RANBP3: variants seen among roughly 807,000 people sequenced by gnomAD.
RANBP3 encodes the protein RAN binding protein 3.
Under a neutral mutation model 77.3 loss-of-function variants are expected in RANBP3, and 14 were observed. The ratio of observed to expected loss-of-function variants is 0.18; its 90% confidence interval spans 0.12 to 0.28. The LOEUF is 0.28. Among genes scored for constraint, RANBP3 ranks in the 10% least tolerant of loss-of-function variants. The pLI, the probability that RANBP3 is intolerant of heterozygous loss-of-function variation, is 1.00. For synonymous variants in RANBP3, 315 were observed against 312.4 expected (o/e 1.01, Z -0.09); for missense variants, 586 against 752.3 (o/e 0.78, Z 2.59).
At position 5,958,386 on chromosome 19, in the gene RANBP3, CA is replaced by C. The variant is rs1265815083; in HGVS notation, c.23-414del. Among the ~76,000 whole-genome samples the C allele has an allele frequency of 6.6e-6, 1 of 151,294 alleles. No individual in the cohort carries two copies. The highest frequency in any genetic ancestry group is 6.6e-5 in the Admixed American group (1 of 15,214). ...TTTTTAAAGTTTACAGGCCAGAGGG[CA>C]AAAAAAAGGGCCACCGCTCGCGCTG... On this transcript the variant is annotated intron_variant, in intron 1 of 16. Transcript: ENST00000340578. This position sits in a 1 kb window ranked among gnomAD's most constrained non-coding sequence, Gnocchi z 4.4.
intron 2 of RANBP3, among the ~76,000 whole-genome samples, chr19:5,957,540 C>G (rs137906324): frequency 6.6e-6 from 1 of 150,410 alleles, no homozygotes; most frequent in Non-Finnish European, 1.5e-5. Context: ...CCCTCCCTCC[C>G]TCCCTCCCTG....
chr19:5,942,440 T>C (rs16993278), intron 3 of RANBP3, among the ~76,000 whole-genome samples: 2,470 of 152,266 alleles, frequency 0.016, 47 homozygotes, highest in African/African-American at 0.055. Context: ...AAGAATTCCC[T>C]ATTCCACAAA....
chr19:5,958,891 C>A lies in RANBP3; in HGVS notation c.23-918G>T, dbSNP rs2058367000. ...CAGCTGTGACTCTGGTGAATGCCTG[C>A]TGTGGGCTGCGGGCTGCGCACTGGT... On this transcript the variant is annotated intron_variant, in intron 1 of 16. Coordinates refer to ENST00000340578, the MANE Select transcript of RANBP3 (RefSeq NM_007322.3). The surrounding 1 kb of genome is among the most constrained non-coding windows in gnomAD (Gnocchi z 4.4). 6.6e-6 allele frequency among the ~76,000 whole-genome samples: 1 copy of A among 152,276 alleles called. No homozygotes were observed. The highest frequency in any genetic ancestry group is 1.5e-5 in the Non-Finnish European group (1 of 68,044).
Position 5,937,056 on chromosome 19 carries a change from C to CAAAAAAAAAAAAAAAA in RANBP3, c.407-3593_407-3578dup, listed in dbSNP as rs71172783. Among the ~76,000 whole-genome samples the CAAAAAAAAAAAAAAAA allele has an allele frequency of 6.6e-3, 246 of 37,178 alleles. 16 individuals carry two copies. Among genetic ancestry groups the CAAAAAAAAAAAAAAAA allele is most frequent in the Non-Finnish European group, 8.0e-3 (164 of 20,544 alleles). The allele number at this position is 37,178 out of a possible 152,430, so 24.4% of individuals were successfully genotyped here. ...GGGCAACAGAGCAAGACTCTGTCTC[C>CAAAAAAAAAAAAAAAA]AAAAAAAAAAAAAAAAAAAAAAAAA... On this transcript the variant is annotated intron_variant, in intron 5 of 16. Coordinates refer to ENST00000340578, the MANE Select transcript of RANBP3 (RefSeq NM_007322.3).
chr19:5,925,494 G>A (rs538089126), intron 10 of RANBP3, 140 bp downstream of exon 10: 1 of 707,728 alleles, frequency 1.4e-6, no homozygotes, highest in East Asian at 2.7e-5. Flanking sequence ...CCAGAGTGGG[G>A]AATGAGAGAG....
At chr19:5,933,058 C>T (rs750765957) in intron 6 of RANBP3, 5 of 289,132 alleles carry the variant, frequency 1.7e-5, no homozygotes, top group East Asian at 7.6e-5. Flanking sequence ...CGCTGGAATG[C>T]AGCCACCCTG....
chr19:5,941,158 G>A (rs558357589), intron 5 of RANBP3, among the ~76,000 whole-genome samples: 11 of 152,284 alleles, frequency 7.2e-5, no homozygotes, highest in East Asian at 3.9e-4. Flanking sequence ...GCTGGTTACC[G>A]TGTGTGTGTG....
intron 3 of RANBP3, among the ~76,000 whole-genome samples, chr19:5,944,724 C>T (rs570016774): frequency 1.3e-5 from 2 of 152,244 alleles, no homozygotes; most frequent in Admixed American, 6.5e-5. Context: ...CCTCGGACAC[C>T]GCACTGCTCG....
At chr19:5,947,116 C>T (rs1033966626) in intron 3 of RANBP3, among the ~76,000 whole-genome samples, 3 of 152,048 alleles carry the variant, frequency 2.0e-5, no homozygotes, top group Non-Finnish European at 4.4e-5. Flanking sequence ...GGGTTCGAGA[C>T]CAGCCTGGCC....
chr19:5,934,156 AGCCTC>A (rs2058034304), intron 5 of RANBP3: 1 of 152,302 alleles, frequency 6.6e-6, no homozygotes, highest in South Asian at 2.1e-4. Context: ...TCGAGAGCCC[AGCCTC>A]GCCCAGCCAC....
chr19:5,966,623 C>T (rs188465705), intron 1 of RANBP3, among the ~76,000 whole-genome samples: 148 of 152,370 alleles, frequency 9.7e-4, no homozygotes, highest in African/African-American at 3.4e-3. Flanking sequence ...CTTTGCTTCC[C>T]CACCAGCCCA....
chr19:5,919,373 C>CT (rs1448262440), intron 14 of RANBP3, among the ~76,000 whole-genome samples: 1 of 152,194 alleles, frequency 6.6e-6, no homozygotes, highest in African/African-American at 2.4e-5. Flanking sequence ...ACTTGTCCCC[C>CT]TGCCCTGGCC....
chr19:5,940,470 T>C (rs2058121440), intron 5 of RANBP3, among the ~76,000 whole-genome samples: 1 of 152,096 alleles, frequency 6.6e-6, no homozygotes, highest in African/African-American at 2.4e-5. Context: ...CAGATGACAG[T>C]GTAATAGCAC....
intron 1 of RANBP3, among the ~76,000 whole-genome samples, chr19:5,971,302 C>T (rs1028518456): frequency 2.4e-4 from 36 of 151,894 alleles, no homozygotes; most frequent in African/African-American, 8.5e-4. Context: ...ATGTCTTTAA[C>T]GTCTGACTTA....
chr19:5,944,275 G>A (rs2058175904), intron 3 of RANBP3, among the ~76,000 whole-genome samples: 2 of 152,234 alleles, frequency 1.3e-5, no homozygotes, highest in South Asian at 2.1e-4. Context: ...GTGCAGCCAG[G>A]AGGCGAGGGA....
chr19:5,918,107 T>G, intron 15 of RANBP3, 127 bp from the exon 16 acceptor site: 2 of 1,111,292 alleles, frequency 1.8e-6, no homozygotes, highest in Non-Finnish European at 2.5e-6. Context: ...GGGGAGGCCA[T>G]TGGCCCTGGG....
intron 6 of RANBP3, 140 bp from the exon 7 acceptor site, chr19:5,932,684 G>T: frequency 8.0e-6 from 5 of 623,972 alleles, no homozygotes; most frequent in East Asian, 2.9e-5. Context: ...AAAACTTGAG[G>T]TCTTTTTTTA....
chr19:5,972,635 C>T (rs1014868367), intron 1 of RANBP3, among the ~76,000 whole-genome samples: 1 of 152,104 alleles, frequency 6.6e-6, no homozygotes, highest in African/African-American at 2.4e-5. Flanking sequence ...TGAGGAACGG[C>T]GCTCTCTTCT....
chr19:5,976,607 G>T (rs1380697756), intron 1 of RANBP3: 1 of 152,248 alleles, frequency 6.6e-6, no homozygotes, highest in Non-Finnish European at 1.5e-5. Context: ...AGCTGGGTGT[G>T]GTGGTGCGCG....
Sources: gnomAD v4.1 joint callset for allele counts (sites outside exome capture counted in the v4.1 genomes callset) on GRCh38, gnomAD v4.1.1 for gene constraint, Gnocchi (gnomAD v3.1) non-coding constraint, MANE v1.5 for transcripts, NCBI Gene and HGNC (gene_info 2026-07-23, HGNC 2026-07-21) for gene names.